The following CRTAC1 variants were observed in gnomAD, a reference collection of about 807,000 sequenced individuals.
The protein encoded by CRTAC1 is acidic secreted protein in cartilage.
A neutral mutation model predicts 67.8 loss-of-function variants in CRTAC1; 37 were observed. That is an observed-to-expected ratio of 0.55 (90% CI 0.42 to 0.72). The LOEUF (loss-of-function observed/expected upper bound fraction) is 0.72. CRTAC1 is among the 30% of genes least tolerant of loss of function. The probability of loss-of-function intolerance (pLI) is 0.00; values close to 1 mark genes in which losing one functional copy is unlikely to be tolerated. For synonymous variants in CRTAC1, 348 were observed against 371.0 expected (o/e 0.94, Z 0.71); for missense variants, 780 against 931.6 (o/e 0.84, Z 2.12).
intron 2 of CRTAC1, among the ~76,000 whole-genome samples, chr10:97,994,638 G>T (rs969701368): frequency 1.3e-5 from 2 of 152,132 alleles, no homozygotes; most frequent in Admixed American, 6.5e-5. Context: ...ATGGGGGAGA[G>T]AACAAGTGGT....
chr10:97,876,952 T>C (rs1040798622), intron 14 of CRTAC1, among the ~76,000 whole-genome samples: 3 of 138,822 alleles, frequency 2.2e-5, no homozygotes, highest in African/African-American at 8.1e-5. Flanking sequence ...TCTGTTTTTT[T>C]TTTTTTTTTT....
Position 97,908,209 on chromosome 10 carries a change from A to G in CRTAC1, c.716-62T>C. 10 of 1,590,876 alleles carry G rather than the reference A, an allele frequency of 6.3e-6. No homozygotes were observed. The South Asian group carries it at 6.7e-5, about 11-fold the overall frequency. On this transcript the variant is annotated intron_variant, in intron 5 of 14. Coordinates refer to ENST00000370597, the MANE Select transcript of CRTAC1 (RefSeq NM_018058.7). ...CAAGCCCCAGGCCCACCTGGAGGAC[A>G]GGGCTGCCTCTGAGGCCTGAGGGGA...
intron 7 of CRTAC1, among the ~76,000 whole-genome samples, chr10:97,902,461 A>G (rs2050555228): frequency 1.3e-5 from 2 of 152,188 alleles, no homozygotes; most frequent in Admixed American, 1.3e-4. Context: ...ACACCTGTCC[A>G]GGACTAATGG....
intron 8 of CRTAC1, among the ~76,000 whole-genome samples, chr10:97,898,213 C>T (rs1299747511): frequency 2.6e-5 from 4 of 152,300 alleles, no homozygotes; most frequent in African/African-American, 2.4e-5. Flanking sequence ...TATTGTGTGC[C>T]GGGCCCTGCG....
At chr10:97,914,400 G>A (rs1441179572) in intron 5 of CRTAC1, among the ~76,000 whole-genome samples, 4 of 152,218 alleles carry the variant, frequency 2.6e-5, no homozygotes, top group Non-Finnish European at 5.9e-5. Flanking sequence ...GGTGGGCACT[G>A]CCCGTGTGCC....
intron 2 of CRTAC1, among the ~76,000 whole-genome samples, chr10:97,960,585 AATTC>A (rs1248855297): frequency 6.6e-6 from 1 of 152,182 alleles, no homozygotes; most frequent in East Asian, 1.9e-4. Flanking sequence ...TGCCTTTTAC[AATTC>A]TGATTAGCAT....
chr10:97,919,911 T>C (rs1356369523), intron 4 of CRTAC1, among the ~76,000 whole-genome samples: 1 of 126,712 alleles, frequency 7.9e-6, no homozygotes, highest in Non-Finnish European at 1.6e-5. Context: ...AGCTAATTTT[T>C]TTTTTTGTTT....
chr10:97,909,640 T>C (rs1242913691), intron 5 of CRTAC1, among the ~76,000 whole-genome samples: 1 of 152,146 alleles, frequency 6.6e-6, no homozygotes, highest in African/African-American at 2.4e-5. Flanking sequence ...TAAAAAACAG[T>C]ATAAGGCTCC....
chr10:97,884,313 C>A lies in CRTAC1; in HGVS notation c.1525G>T (p.Asp509Tyr). 1.3e-6 allele frequency: 2 copies of A among 1,552,590 alleles called. No individual in the cohort carries two copies. The highest frequency in any genetic ancestry group is 2.0e-5 in the Admixed American group (1 of 51,210). The change falls in exon 12 of 15, where the codon GAT (aspartate) becomes TAT (tyrosine). Residue 509 changes from aspartate to tyrosine, a missense_variant. Coordinates refer to ENST00000370597, the MANE Select transcript of CRTAC1 (RefSeq NM_018058.7). ...EASSVEVTWP[D>Y]GKMVSRNVAS... ...ACGTTCCGGCTCACCATCTTGCCAT[C>A]TGGCCACGTCACCTCCACACTGCTG... is the stretch of plus-strand genomic sequence containing the variant.
intron 2 of CRTAC1, among the ~76,000 whole-genome samples, chr10:97,966,523 T>G (rs955141252): frequency 6.6e-6 from 1 of 152,224 alleles, no homozygotes; most frequent in African/African-American, 2.4e-5. Flanking sequence ...TCCCCTATCA[T>G]TAACATCCTA....
intron 2 of CRTAC1, among the ~76,000 whole-genome samples, chr10:97,994,360 A>G (rs1329806854): frequency 6.6e-6 from 1 of 152,194 alleles, no homozygotes; most frequent in Non-Finnish European, 1.5e-5. Context: ...GGTTTGCAAC[A>G]CAGCACCAGA....
chr10:97,956,229 A>T (rs1417131452), intron 2 of CRTAC1, among the ~76,000 whole-genome samples: 4 of 152,204 alleles, frequency 2.6e-5, no homozygotes, highest in African/African-American at 9.6e-5. Flanking sequence ...CTTAGCACGT[A>T]TTGACTGCTT....
At chr10:97,891,245 A>C (rs1211736252) in intron 11 of CRTAC1, among the ~76,000 whole-genome samples, 1 of 152,242 alleles carries the variant, frequency 6.6e-6, no homozygotes, top group Non-Finnish European at 1.5e-5. Context: ...TTTTAAAAAT[A>C]GTTTTCTTAT....
intron 11 of CRTAC1, among the ~76,000 whole-genome samples, chr10:97,886,716 C>T (rs1367868812): frequency 1.0e-4 from 15 of 148,898 alleles, no homozygotes; most frequent in Non-Finnish European, 1.9e-4. Flanking sequence ...GGGATCTCAG[C>T]TCACTGCAAC....
chr10:97,885,299 AG>A (rs1221614088), intron 11 of CRTAC1, among the ~76,000 whole-genome samples: 2 of 152,216 alleles, frequency 1.3e-5, no homozygotes, highest in Non-Finnish European at 2.9e-5. Context: ...CAGGACTTCA[AG>A]GCCAGCCTGG....
intron 1 of CRTAC1, among the ~76,000 whole-genome samples, chr10:98,013,771 A>T (rs756222192): frequency 6.6e-6 from 1 of 152,186 alleles, no homozygotes; most frequent in Non-Finnish European, 1.5e-5. Context: ...TTTCCTTTCT[A>T]AGGATATTAA....
At chr10:97,887,336 G>A (rs1206249858) in intron 11 of CRTAC1, among the ~76,000 whole-genome samples, 10 of 151,484 alleles carry the variant, frequency 6.6e-5, no homozygotes, top group Non-Finnish European at 2.9e-5. Context: ...CCGCCTCCCA[G>A]GTTCAAGCAA....
intron 2 of CRTAC1, among the ~76,000 whole-genome samples, chr10:97,955,992 A>G (rs1038588789): frequency 6.6e-6 from 1 of 152,196 alleles, no homozygotes; most frequent in African/African-American, 2.4e-5. Flanking sequence ...GTAGTGAGCA[A>G]CTAATGCTTC....
intron 2 of CRTAC1, among the ~76,000 whole-genome samples, chr10:97,984,637 C>T (rs117089292): frequency 6.6e-6 from 1 of 152,330 alleles, no homozygotes; most frequent in East Asian, 1.9e-4. Context: ...CTCCCAAGGT[C>T]ATCTCAAATG....
Sources: allele counts gnomAD v4.1 joint callset (sites outside exome capture counted in the v4.1 genomes callset), GRCh38; gene constraint gnomAD v4.1.1; transcripts MANE v1.5; gene names NCBI Gene and HGNC (gene_info 2026-07-23, HGNC 2026-07-21).